The following TNKS1BP1 variants were observed in gnomAD, a reference collection of about 807,000 sequenced individuals.
The protein encoded by TNKS1BP1 is CCR4-NOT transcription complex subunit 12.
In TNKS1BP1, 48 loss-of-function variants were observed where a neutral mutation model predicts 141.1. That is an observed-to-expected ratio of 0.34 (90% CI 0.27 to 0.43). The LOEUF is 0.43. Among genes scored for constraint, TNKS1BP1 ranks in the 20% least tolerant of loss-of-function variants. The pLI is 1.00. For synonymous variants in TNKS1BP1, 875 were observed against 898.2 expected, an observed-to-expected ratio of 0.97 and a Z score of 0.46; for missense variants, 2,149 against 2,226.0, an observed-to-expected ratio of 0.97 and a Z score of 0.70.
chr11:57,319,899 T>A (rs550230243), intron 3 of TNKS1BP1, among the ~76,000 whole-genome samples, 180 bp downstream of exon 3: 49 of 151,974 alleles, frequency 3.2e-4, no homozygotes, highest in Middle Eastern at 6.8e-3. Context: ...GATAACACCA[T>A]CTGCTGGGGA....
intron 6 of TNKS1BP1, among the ~76,000 whole-genome samples, chr11:57,304,093 G>A (rs1009621488): frequency 2.0e-5 from 3 of 151,924 alleles, no homozygotes; most frequent in Non-Finnish European, 4.4e-5. Context: ...AGCCACACCT[G>A]ACACAAACAC....
At chr11:57,300,409 T>C (rs1855507692) in intron 11 of TNKS1BP1, 119 bp downstream of exon 11, 4 of 902,154 alleles carry the variant, frequency 4.4e-6, no homozygotes, top group Non-Finnish European at 3.4e-6. Flanking sequence ...CTTCACCTGC[T>C]GTTTCTAAAC....
At position 57,313,592 on chromosome 11, in the gene TNKS1BP1, TG is replaced by T; in HGVS notation, c.1095del (p.Arg366AspfsTer26). The T allele has an allele frequency of 1.3e-6, 2 of 1,595,062 alleles. No individual in the cohort carries two copies. Among genetic ancestry groups the T allele is most frequent in the Non-Finnish European group, 1.7e-6 (2 of 1,171,570 alleles). On this transcript the variant is annotated frameshift_variant, in exon 5 of 12. Transcript: ENST00000358252. LOFTEE classifies it high-confidence loss of function. ...ACCTCAGGGGGTGGGCTGCTGGGTC[TG>T]GGGGCCTCTGGAGCCCCCTCGGCAG... is the stretch of plus-strand genomic sequence containing the variant. Reference protein sequence around the residue: ...GLPAEGAPEAPRPSSPPPEVL... With the variant: ...GLPAEGAPEAXRPSSPPPEVL...
At chr11:57,311,272 C>T (rs1373842919) in intron 5 of TNKS1BP1, 4 of 985,944 alleles carry the variant, frequency 4.1e-6, no homozygotes, top group South Asian at 4.7e-5. Flanking sequence ...CTCAGGGCTT[C>T]GGAGCCGGCC....
chr11:57,323,398 C>T (rs1457353259), intron 1 of TNKS1BP1, among the ~76,000 whole-genome samples: 10 of 152,200 alleles, frequency 6.6e-5, no homozygotes, highest in South Asian at 2.1e-4. Flanking sequence ...TCATGCAAGG[C>T]GGAAGTTTCC....
chr11:57,321,318 GAA>G (rs963283552), intron 2 of TNKS1BP1, among the ~76,000 whole-genome samples: 3 of 145,398 alleles, frequency 2.1e-5, no homozygotes, highest in Non-Finnish European at 4.6e-5. Flanking sequence ...GCTATGGGAA[GAA>G]AAAAAAAAAC....
In TNKS1BP1 at chr11:57,324,888, TCCCCGC is replaced by T. The variant is rs944159903; in HGVS notation, c.-120_-115del. ...GCTCGGCTCGGGGCCCCGATGCCAGTCCCCGCCGCCGCCGCCGCTGCTACCGCCGCC... is the reference window on the plus strand; with the variant it reads ...GCTCGGCTCGGGGCCCCGATGCCAGTCGCCGCCGCCGCTGCTACCGCCGCC... On this transcript the variant is annotated 5_prime_UTR_variant, in exon 1 of 12. Transcript: ENST00000358252. 15 of 990,938 alleles carry T rather than the reference TCCCCGC, an allele frequency of 1.5e-5. No individual in the cohort carries two copies. In the African/African-American group the frequency reaches 2.6e-4, roughly 17 times the overall value. 61.4% of individuals were successfully genotyped at this position (990,938 alleles called of 1,614,324 possible).
intron 4 of TNKS1BP1, among the ~76,000 whole-genome samples, 167 bp from the exon 5 acceptor site, chr11:57,314,056 C>T (rs1174904224): frequency 6.6e-6 from 1 of 152,184 alleles, no homozygotes; most frequent in Non-Finnish European, 1.5e-5. Context: ...CCACAGACGA[C>T]TCAAGGCAGG....
chr11:57,317,514 T>A (rs1302495654), intron 4 of TNKS1BP1, among the ~76,000 whole-genome samples: 1 of 152,178 alleles, frequency 6.6e-6, no homozygotes, highest in Non-Finnish European at 1.5e-5. Flanking sequence ...AAGGATTGAG[T>A]TGGTTAACGT....
intron 9 of TNKS1BP1, among the ~76,000 whole-genome samples, 160 bp downstream of exon 9, chr11:57,301,647 C>T (rs1241482760): frequency 6.6e-6 from 1 of 152,066 alleles, no homozygotes; most frequent in Non-Finnish European, 1.5e-5. Flanking sequence ...CGGCGGGGCA[C>T]AAAGGGATCT....
At position 57,300,960 on chromosome 11, in the gene TNKS1BP1, G is replaced by A; in HGVS notation, c.5053C>T (p.Gln1685Ter). 6.2e-7 allele frequency: 1 copy of A among 1,614,088 alleles called. No homozygotes were observed. The highest frequency in any genetic ancestry group is 1.1e-5 in the South Asian group (1 of 91,056). The part of the protein sequence containing the change: ...SKSSQKESAV[Q>*]RSKSCKVPGL... ...GGGACCTTGCAGGATTTCGAACGCTGGACCGCGGACTCCTTCTGGCTCGAC... is the reference window on the plus strand; with the variant it reads ...GGGACCTTGCAGGATTTCGAACGCTAGACCGCGGACTCCTTCTGGCTCGAC... Residue 1685 changes from glutamine to a stop codon, truncating the protein, a stop_gained, in exon 10 of 12, where the codon CAG becomes TAG. Transcript: ENST00000358252. LOFTEE classifies it high-confidence loss of function.
intron 6 of TNKS1BP1, among the ~76,000 whole-genome samples, chr11:57,306,903 T>TGGGGGGGGGGGGGGGGGGG (rs796934603): frequency 1.4e-5 from 1 of 70,174 alleles, no homozygotes. Flanking sequence ...GCTGTGGTGG[T>TGGGGGGGGGGGGGGGGGGG]GGGGGGGGGG....
Position 57,309,887 on chromosome 11 carries a change from T to C in TNKS1BP1, c.2824A>G (p.Ser942Gly). ...TGTTCCTGTGGCTCCGCAGCCCGGC[T>C]GCCATAGGTGCCGAGTGACACATCT... ...KRDVSLGTYG[S>G]RAAEPQEQEF... The change falls in exon 6 of 12, where the codon AGC (serine) becomes GGC (glycine). Residue 942 changes from serine (S) to glycine (G), a missense_variant. Physicochemically the swap from Ser to Gly is moderately conservative, Grantham distance 56. Coordinates refer to ENST00000358252, the MANE Select transcript of TNKS1BP1 (RefSeq NM_033396.3). The surrounding 1 kb of genome is among the most constrained non-coding windows in gnomAD (Gnocchi z 4.3). 1 of 1,614,176 alleles carries C rather than the reference T, an allele frequency of 6.2e-7. No homozygotes were observed. The highest frequency in any genetic ancestry group is 8.5e-7 in the Non-Finnish European group (1 of 1,180,036).
rs758870775 is a variant in TNKS1BP1, at chr11:57,321,754, C to G, written c.94+38G>C. 9.7e-6 allele frequency: 15 copies of G among 1,551,826 alleles called. No homozygotes were observed. The African/African-American group carries it at 1.2e-4, about 13-fold the overall frequency. On this transcript the variant is annotated intron_variant, in intron 2 of 11. Transcript: ENST00000358252. ...GGCAGCCTCTGTCCTTCCCACCCCC[C>G]TCCCAGCCACCTGGCTCCACCCTGC...
chr11:57,322,109 C>T lies in TNKS1BP1; in HGVS notation c.-65-159G>A, dbSNP rs1358142807. On this transcript the variant is annotated intron_variant, in intron 1 of 11. Transcript: ENST00000358252. Reference sequence around the variant, plus strand: ...GTAGGAGGAGGTCAAGGGAGGTTCCCAACAGCCATATCCTCAACTCTTCAA... The same window carrying T: ...GTAGGAGGAGGTCAAGGGAGGTTCCTAACAGCCATATCCTCAACTCTTCAA... 5.7e-6 allele frequency: 6 copies of T among 1,046,638 alleles called. No individual in the cohort carries two copies. In the Admixed American group the frequency reaches 1.6e-4, roughly 28 times the overall value. 64.8% of individuals were successfully genotyped at this position (1,046,638 alleles called of 1,614,324 possible).
rs1238297391 is a variant in TNKS1BP1, at chr11:57,313,251, G to A, written c.1437C>T (p.Thr479=). ...NWSLSQSFEW[T]FPTRPSGLGV... ...CCAGACCCGAGGGCCTCGTGGGGAA[G>A]GTCCATTCGAAGGACTGTGATAAGC... The change falls in exon 5 of 12, where the codon ACC becomes ACT. Residue 479 remains threonine (T), a synonymous_variant. Coordinates refer to ENST00000358252, the MANE Select transcript of TNKS1BP1 (RefSeq NM_033396.3). 2 of 1,612,920 alleles carry A rather than the reference G, an allele frequency of 1.2e-6. No homozygotes were observed. The highest frequency in any genetic ancestry group is 1.1e-5 in the South Asian group (1 of 91,086).
At position 57,307,305 on chromosome 11, in the gene TNKS1BP1, C is replaced by T. The variant is rs148142884; in HGVS notation, c.4316+1090G>A. Reference sequence around the variant, plus strand: ...AAGGGCCTCCCAACTCCTAGTCCTGCGCCCTCCCCTCGTCCCTGCAGTCCT... The same window carrying T: ...AAGGGCCTCCCAACTCCTAGTCCTGTGCCCTCCCCTCGTCCCTGCAGTCCT... On this transcript the variant is annotated intron_variant, in intron 6 of 11. Transcript: ENST00000358252. Among the ~76,000 whole-genome samples, 556 of 152,240 alleles carry T rather than the reference C, an allele frequency of 3.7e-3. 4 individuals carry two copies. The highest frequency in any genetic ancestry group is 0.013 in the African/African-American group (527 of 41,542).
intron 6 of TNKS1BP1, among the ~76,000 whole-genome samples, chr11:57,305,873 A>G (rs1241882688): frequency 6.6e-6 from 1 of 152,234 alleles, no homozygotes; most frequent in Non-Finnish European, 1.5e-5. Context: ...GTGGTGACAG[A>G]ATCAGAACGC....
intron 6 of TNKS1BP1, among the ~76,000 whole-genome samples, chr11:57,306,903 T>TCG (rs1554961750): frequency 2.8e-5 from 2 of 70,176 alleles, no homozygotes; most frequent in African/African-American, 1.5e-4. Flanking sequence ...GCTGTGGTGG[T>TCG]GGGGGGGGGG....
Sources: gnomAD v4.1 joint callset for allele counts (sites outside exome capture counted in the v4.1 genomes callset) on GRCh38, gnomAD v4.1.1 for gene constraint, Gnocchi (gnomAD v3.1) non-coding constraint, MANE v1.5 for transcripts, NCBI Gene and HGNC (gene_info 2026-07-23, HGNC 2026-07-21) for gene names.